Variants in MARK3 observed in about 807,000 individuals in gnomAD.
MARK3 encodes microtubule affinity regulating kinase 3, also known as MAP/microtubule affinity-regulating kinase 3.
MARK3 carries 46 observed loss-of-function variants against 90.1 expected under a neutral mutation model. The ratio of observed to expected loss-of-function variants is 0.51; its 90% CI spans 0.40 to 0.65. The LOEUF is 0.65. Among genes scored for constraint, MARK3 ranks in the 30% least tolerant of loss-of-function variants. The probability of loss-of-function intolerance (pLI) is 0.00; values close to 1 mark genes in which losing one functional copy is unlikely to be tolerated. For missense variants in MARK3, 818 were observed against 947.2 expected (o/e 0.86, Z 1.79); for synonymous variants, 321 against 332.6 (o/e 0.97, Z 0.38).
intron 2 of MARK3, among the ~76,000 whole-genome samples, chr14:103,415,830 T>C (rs1035018193): frequency 1.3e-5 from 2 of 152,212 alleles, no homozygotes; most frequent in African/African-American, 4.8e-5. Context: ...TCTTTTCTTA[T>C]CCCTCTTTTT....
At chr14:103,404,680 G>T (rs1485770050) in intron 1 of MARK3, among the ~76,000 whole-genome samples, 1 of 152,138 alleles carries the variant, frequency 6.6e-6, no homozygotes, top group East Asian at 1.9e-4. Context: ...TTATGTGGCT[G>T]TATCCTTATC....
chr14:103,431,136 G>A (rs2092569615), intron 3 of MARK3, among the ~76,000 whole-genome samples: 1 of 152,144 alleles, frequency 6.6e-6, no homozygotes, highest in South Asian at 2.1e-4. Flanking sequence ...TGCCCAGGCT[G>A]GAGTGCAGTA....
At chr14:103,389,032 A>G (rs1326145512) in intron 1 of MARK3, among the ~76,000 whole-genome samples, 1 of 152,132 alleles carries the variant, frequency 6.6e-6, no homozygotes, top group Non-Finnish European at 1.5e-5. Flanking sequence ...AAGTAATTGT[A>G]TATAACTGTG....
At chr14:103,480,970 C>A (rs1216079846) in intron 14 of MARK3, among the ~76,000 whole-genome samples, 2 of 152,160 alleles carry the variant, frequency 1.3e-5, no homozygotes, top group Admixed American at 1.3e-4. Flanking sequence ...ACTGGAGAAG[C>A]CAAGAGAAGT....
chr14:103,440,777 A>G (rs1438071251), intron 3 of MARK3, among the ~76,000 whole-genome samples: 1 of 143,940 alleles, frequency 6.9e-6, no homozygotes, highest in Non-Finnish European at 1.5e-5. Flanking sequence ...CTACAAAAAG[A>G]TTTTTTTTTT....
At chr14:103,401,873 G>A (rs2090986203) in intron 1 of MARK3, among the ~76,000 whole-genome samples, 1 of 152,200 alleles carries the variant, frequency 6.6e-6, no homozygotes, top group Admixed American at 6.5e-5. Flanking sequence ...AAGGGTTCAT[G>A]AAGATGGTGA....
intron 7 of MARK3, among the ~76,000 whole-genome samples, chr14:103,463,376 C>T (rs529520840): frequency 6.6e-6 from 1 of 152,304 alleles, no homozygotes; most frequent in Admixed American, 6.5e-5. Flanking sequence ...CAACTGTATG[C>T]TGATGGCCCC....
At chr14:103,484,449 AG>A (rs1211304827) in intron 14 of MARK3, among the ~76,000 whole-genome samples, 4 of 152,214 alleles carry the variant, frequency 2.6e-5, no homozygotes, top group African/African-American at 9.6e-5. Context: ...CTGTGATTAC[AG>A]GCATGAGCCA....
intron 8 of MARK3, 84 bp from the exon 9 acceptor site, chr14:103,465,888 G>A: frequency 1.9e-6 from 3 of 1,556,112 alleles, no homozygotes; most frequent in East Asian, 2.2e-5. Context: ...AGTGCGGGGG[G>A]TTTCAGGGGG....
intron 5 of MARK3, among the ~76,000 whole-genome samples, chr14:103,455,925 A>G (rs1461078558): frequency 1.3e-5 from 2 of 152,146 alleles, no homozygotes; most frequent in South Asian, 2.1e-4. Flanking sequence ...GGTATTCCTT[A>G]TTTGTATGAA....
rs2089749399 is a variant in MARK3, at chr14:103,385,933, G to T, written c.-97G>T. On this transcript the variant is annotated 5_prime_UTR_variant, in exon 1 of 18. Transcript: ENST00000429436. The stretch of plus-strand genomic sequence containing the variant: ...GCCGCCCTCCCCACGGCGCCTTTTC[G>T]GAACTGCCGTGGACTCGAGGACGCT... 1 of 1,013,388 alleles carries T rather than the reference G, an allele frequency of 9.9e-7. No homozygotes were observed. The highest frequency in any genetic ancestry group is 1.6e-6 in the Non-Finnish European group (1 of 638,098). 62.8% of individuals were successfully genotyped at this position (1,013,388 alleles called of 1,614,324 possible).
chr14:103,402,040 G>A (rs1595478486), intron 1 of MARK3, among the ~76,000 whole-genome samples: 2 of 152,098 alleles, frequency 1.3e-5, no homozygotes, highest in African/African-American at 2.4e-5. Flanking sequence ...GAGATGAGCG[G>A]GCCTTGAATT....
At chr14:103,451,539 C>CAT (rs1003828912) in intron 4 of MARK3, among the ~76,000 whole-genome samples, 23 of 152,258 alleles carry the variant, frequency 1.5e-4, no homozygotes, top group African/African-American at 5.5e-4. Flanking sequence ...TTTGTTGGAG[C>CAT]AGAGTAGAAC....
chr14:103,467,259 A>C, intron 11 of MARK3, 68 bp downstream of exon 11: 1 of 713,220 alleles, frequency 1.4e-6, no homozygotes, highest in Non-Finnish European at 2.3e-6. Flanking sequence ...CTGTTTTCTT[A>C]GTTTTTATCT....
intron 7 of MARK3, among the ~76,000 whole-genome samples, chr14:103,463,677 A>G (rs2093445318): frequency 6.6e-6 from 1 of 152,156 alleles, no homozygotes; most frequent in African/African-American, 2.4e-5. Flanking sequence ...TGATTCCGAC[A>G]CTACTTTCTT....
intron 14 of MARK3, among the ~76,000 whole-genome samples, chr14:103,482,648 A>T (rs1231916174): frequency 1.3e-5 from 2 of 152,166 alleles, no homozygotes; most frequent in East Asian, 1.9e-4. Flanking sequence ...GGGTGTTAAG[A>T]CTAAGATCTG....
chr14:103,500,342 C>T (rs2142147326), intron 17 of MARK3, 142 bp downstream of exon 17: 1 of 615,446 alleles, frequency 1.6e-6, no homozygotes, highest in Non-Finnish European at 2.8e-6. Flanking sequence ...CACAAGGGGG[C>T]GCCAGCCTGC....
chr14:103,446,139 A>C (rs1171938133), intron 3 of MARK3, among the ~76,000 whole-genome samples: 1 of 152,358 alleles, frequency 6.6e-6, no homozygotes, highest in African/African-American at 2.4e-5. Flanking sequence ...CAGATGGGCT[A>C]TGATGTAAAA....
chr14:103,487,471 CA>C (rs139961634), intron 14 of MARK3, among the ~76,000 whole-genome samples: 1 of 152,078 alleles, frequency 6.6e-6, no homozygotes, highest in East Asian at 2.0e-4. Context: ...GGCCTGTCAG[CA>C]GTGTGCTTCA....
Sources: allele counts gnomAD v4.1 joint callset (sites outside exome capture counted in the v4.1 genomes callset), GRCh38; gene constraint gnomAD v4.1.1; transcripts MANE v1.5; gene names NCBI Gene and HGNC (gene_info 2026-07-23, HGNC 2026-07-21).